The following ADGRL2 variants were observed in gnomAD, a reference collection of about 807,000 sequenced individuals.
The protein encoded by ADGRL2 is calcium-independent alpha-latrotoxin receptor 2.
Under a neutral mutation model 157.4 loss-of-function variants are expected in ADGRL2, and 44 were observed. That is an observed-to-expected ratio of 0.28 (90% CI 0.22 to 0.36). The LOEUF is 0.36. ADGRL2 is among the 10% of genes least tolerant of loss of function. ADGRL2 has a pLI of 1.00. For synonymous variants in ADGRL2, 585 were observed against 624.7 expected, an observed-to-expected ratio of 0.94 and a Z score of 0.95; for missense variants, 1,510 against 1,768.9, an observed-to-expected ratio of 0.85 and a Z score of 2.63.
intron 1 of ADGRL2, among the ~76,000 whole-genome samples, chr1:81,419,592 A>T (rs2077091238): frequency 6.6e-6 from 1 of 152,248 alleles, no homozygotes; most frequent in Non-Finnish European, 1.5e-5. Context: ...CAAATCCAAA[A>T]TACCAAGCAT....
At chr1:81,726,014 C>A (rs78645667) in intron 1 of ADGRL2, among the ~76,000 whole-genome samples, 1 of 149,588 alleles carries the variant, frequency 6.7e-6, no homozygotes, top group Non-Finnish European at 1.5e-5. Flanking sequence ...AACAAAAACC[C>A]AAAAACCAAA....
At chr1:81,822,806 A>T (rs1371328048) in intron 1 of ADGRL2, among the ~76,000 whole-genome samples, 7 of 152,152 alleles carry the variant, frequency 4.6e-5, no homozygotes, top group African/African-American at 1.7e-4. Flanking sequence ...CCTAAACTTC[A>T]TGGAGGAATT....
intron 3 of ADGRL2, among the ~76,000 whole-genome samples, chr1:81,915,365 C>T (rs1314246685): frequency 6.6e-6 from 1 of 152,166 alleles, no homozygotes; most frequent in Non-Finnish European, 1.5e-5. Flanking sequence ...AGGTGTGAGC[C>T]ACCAGGCCTG....
At chr1:81,597,105 A>G (rs977660477) in intron 3 of ADGRL2, among the ~76,000 whole-genome samples, 1 of 152,218 alleles carries the variant, frequency 6.6e-6, no homozygotes, top group Non-Finnish European at 1.5e-5. Context: ...TCTTCCTGAG[A>G]AAAGTATGTA....
At chr1:81,458,375 A>G (rs1469320564) in intron 2 of ADGRL2, among the ~76,000 whole-genome samples, 2 of 152,206 alleles carry the variant, frequency 1.3e-5, no homozygotes, top group Non-Finnish European at 2.9e-5. Flanking sequence ...GTTGATGAGC[A>G]ACTGTTGTGG....
At chr1:81,523,095 G>A (rs909725173) in intron 2 of ADGRL2, among the ~76,000 whole-genome samples, 2 of 151,968 alleles carry the variant, frequency 1.3e-5, no homozygotes, top group African/African-American at 4.8e-5. Flanking sequence ...ACTATATGAC[G>A]GAAGTTCAAA....
intron 1 of ADGRL2, among the ~76,000 whole-genome samples, chr1:81,817,904 C>T (rs2149790528): frequency 6.6e-6 from 1 of 152,112 alleles, no homozygotes; most frequent in Non-Finnish European, 1.5e-5. Context: ...GTGTCTCATG[C>T]TTATAATCCC....
intron 3 of ADGRL2, among the ~76,000 whole-genome samples, chr1:81,584,233 A>T (rs2080977705): frequency 6.6e-6 from 1 of 152,088 alleles, no homozygotes; most frequent in Non-Finnish European, 1.5e-5. Flanking sequence ...TTCACTTCAC[A>T]CATCTCTTGT....
chr1:81,407,004 A>G (rs1410840443), intron 1 of ADGRL2, among the ~76,000 whole-genome samples: 1 of 152,236 alleles, frequency 6.6e-6, no homozygotes, highest in East Asian at 1.9e-4. Flanking sequence ...TTTGAGTTAC[A>G]TTTGGGTTGA....
At chr1:81,923,027 C>A (rs527765436) in intron 3 of ADGRL2, among the ~76,000 whole-genome samples, 1 of 152,118 alleles carries the variant, frequency 6.6e-6, no homozygotes, top group East Asian at 1.9e-4. Context: ...TTGATCTGTG[C>A]TTTTTAGAAA....
chr1:81,916,833 G>T (rs3790904), intron 3 of ADGRL2, among the ~76,000 whole-genome samples: 53,473 of 151,644 alleles, frequency 0.35, 9,685 homozygotes, highest in Middle Eastern at 0.42. Flanking sequence ...AAAATGCCTA[G>T]CTGTATTTAA....
chr1:81,558,229 A>C (rs910129079), intron 2 of ADGRL2, among the ~76,000 whole-genome samples: 2 of 152,224 alleles, frequency 1.3e-5, no homozygotes, highest in African/African-American at 4.8e-5. Context: ...AAGCGTTTAC[A>C]ATAAGGTGGG....
intron 3 of ADGRL2, among the ~76,000 whole-genome samples, chr1:81,626,997 A>G (rs974951256): frequency 1.3e-5 from 2 of 152,094 alleles, no homozygotes; most frequent in Non-Finnish European, 2.9e-5. Flanking sequence ...TTGCTTCAGT[A>G]CTTTATTCAC....
chr1:81,986,588 A>C (rs1663215764), intron 21 of ADGRL2, among the ~76,000 whole-genome samples: 1 of 152,052 alleles, frequency 6.6e-6, no homozygotes, highest in East Asian at 1.9e-4. Context: ...CATAATGTTG[A>C]TCTCTATGCA....
chr1:81,794,802 T>G (rs1171370686), intron 2 of ADGRL2, among the ~76,000 whole-genome samples: 2 of 152,218 alleles, frequency 1.3e-5, no homozygotes, highest in East Asian at 3.8e-4. Context: ...GATACTATTC[T>G]TTTATTAAGA....
intron 1 of ADGRL2, among the ~76,000 whole-genome samples, chr1:81,733,676 A>C (rs2084800779): frequency 6.6e-6 from 1 of 152,156 alleles, no homozygotes; most frequent in Admixed American, 6.5e-5. Context: ...TTTAGCCCAT[A>C]ACATATGTTG....
chr1:81,766,461 TAGA>T (rs1358008452), intron 2 of ADGRL2, among the ~76,000 whole-genome samples: 1 of 152,180 alleles, frequency 6.6e-6, no homozygotes, highest in Non-Finnish European at 1.5e-5. Context: ...TTACATAGTT[TAGA>T]AGGTTAAACT....
upstream of ADGRL2, among the ~76,000 whole-genome samples, chr1:81,699,167 C>G (rs888980563): frequency 2.6e-5 from 4 of 152,118 alleles, no homozygotes; most frequent in African/African-American, 9.7e-5. Flanking sequence ...GTTTTGCAAA[C>G]AGTTGCTTTA....
intron 11 of ADGRL2, 119 bp from the exon 12 acceptor site, chr1:81,965,938 TA>T (rs1297122116): frequency 2.0e-5 from 20 of 1,022,708 alleles, no homozygotes; most frequent in African/African-American, 8.0e-5. Flanking sequence ...AACCTAACAG[TA>T]AAATTTTTTA....
Sources: gnomAD v4.1 joint callset for allele counts (sites outside exome capture counted in the v4.1 genomes callset) on GRCh38, gnomAD v4.1.1 for gene constraint, MANE v1.5 for transcripts, NCBI Gene and HGNC (gene_info 2026-07-23, HGNC 2026-07-21) for gene names.